TIAM1: variants seen among roughly 807,000 people sequenced by gnomAD.
TIAM1 encodes the protein TIAM Rac1 associated GEF 1, also known as rho guanine nucleotide exchange factor TIAM1.
A neutral mutation model predicts 163.5 loss-of-function variants in TIAM1; 65 were observed. That is an observed-to-expected ratio of 0.40 (90% CI 0.33 to 0.49). The LOEUF (loss-of-function observed/expected upper bound fraction) is 0.49. Ranked by LOEUF, TIAM1 falls within the 20% of genes least tolerant of loss-of-function variation. The pLI is 0.77. For missense variants in TIAM1, 1,789 were observed against 2,044.7 expected, an observed-to-expected ratio of 0.87 and a Z score of 2.41; for synonymous variants, 833 against 810.1, an observed-to-expected ratio of 1.03 and a Z score of -0.48.
At chr21:31,394,755 C>CACACAT (rs2077033161) in intron 2 of TIAM1, among the ~76,000 whole-genome samples, 1 of 151,420 alleles carries the variant, frequency 6.6e-6, no homozygotes, top group African/African-American at 2.4e-5. Flanking sequence ...CACACACACA[C>CACACAT]ACACACACAC....
intron 13 of TIAM1, among the ~76,000 whole-genome samples, chr21:31,194,185 G>A (rs573628060): frequency 9.9e-5 from 15 of 151,672 alleles, no homozygotes; most frequent in Non-Finnish European, 1.6e-4. Flanking sequence ...TTGTGTGTCC[G>A]CATCCTCGAT....
chr21:31,359,254 T>G (rs2076363942), intron 2 of TIAM1, among the ~76,000 whole-genome samples: 1 of 152,172 alleles, frequency 6.6e-6, no homozygotes, highest in South Asian at 2.1e-4. Flanking sequence ...ACGTAACTCA[T>G]TACAATTAAT....
At chr21:31,247,413 T>C (rs1317419689) in intron 5 of TIAM1, among the ~76,000 whole-genome samples, 1 of 152,148 alleles carries the variant, frequency 6.6e-6, no homozygotes, top group Non-Finnish European at 1.5e-5. Flanking sequence ...ATTATTTTTG[T>C]AGATATGGGG....
chr21:31,264,984 C>G (rs2072672738), intron 4 of TIAM1, among the ~76,000 whole-genome samples: 1 of 152,200 alleles, frequency 6.6e-6, no homozygotes, highest in South Asian at 2.1e-4. Flanking sequence ...AGGCCCAATG[C>G]ATGCAGGATT....
intron 2 of TIAM1, among the ~76,000 whole-genome samples, chr21:31,377,033 C>CTTTTTTTTTGTTTTT (rs2076699039): frequency 1.2e-5 from 1 of 80,920 alleles, no homozygotes; most frequent in African/African-American, 4.9e-5. Flanking sequence ...TCATTTTTGT[C>CTTTTTTTTTGTTTTT]TTTTTTTTTT....
chr21:31,129,721 C>G (rs183699231), intron 25 of TIAM1, among the ~76,000 whole-genome samples: 1 of 152,114 alleles, frequency 6.6e-6, no homozygotes, highest in African/African-American at 2.4e-5. Flanking sequence ...AGCCTTCACA[C>G]TAACAGCAAA....
At position 31,217,690 on chromosome 21, in the gene TIAM1, G is replaced by A. The variant is rs773088932; in HGVS notation, c.2005C>T (p.Arg669Cys). The change falls in exon 9 of 28, where the codon CGC becomes TGC. Residue 669 changes from arginine to cysteine, a missense_variant. By Grantham distance (180) the Arg-to-Cys change is radical. Coordinates refer to ENST00000541036, the MANE Select transcript of TIAM1 (RefSeq NM_001353694.2). ...VSSFHALVAA[R>C]TGETGVRRRT... Reference sequence around the variant, plus strand: ...CTTCTCACTCCAGTTTCACCAGTGCGTGCTGCCACCTGAGGATGGCAAGGA... The same window carrying A: ...CTTCTCACTCCAGTTTCACCAGTGCATGCTGCCACCTGAGGATGGCAAGGA... The A allele has an allele frequency of 5.6e-6, 9 of 1,613,054 alleles. No individual in the cohort carries two copies. Among genetic ancestry groups the A allele is most frequent in the Admixed American group, 1.7e-5 (1 of 59,928 alleles).
intron 6 of TIAM1, among the ~76,000 whole-genome samples, chr21:31,229,256 T>A (rs1033730732): frequency 6.6e-6 from 1 of 152,098 alleles, no homozygotes; most frequent in Non-Finnish European, 1.5e-5. Context: ...GCTAGTTACA[T>A]GGTGCTGGGT....
chr21:31,510,299 G>A (rs1487634767), intron 1 of TIAM1, among the ~76,000 whole-genome samples: 1 of 152,150 alleles, frequency 6.6e-6, no homozygotes, highest in Non-Finnish European at 1.5e-5. Context: ...CCTCTCCTCT[G>A]TGCGTGCACA....
chr21:31,265,201 C>CTTTTTTT (rs781091105), intron 4 of TIAM1, among the ~76,000 whole-genome samples: 7 of 109,988 alleles, frequency 6.4e-5, no homozygotes, highest in East Asian at 3.1e-4. Flanking sequence ...CTTTCAAAAT[C>CTTTTTTT]TTTTTTTTTT....
At chr21:31,516,535 G>A (rs2047387844) in intron 1 of TIAM1, among the ~76,000 whole-genome samples, 1 of 152,100 alleles carries the variant, frequency 6.6e-6, no homozygotes, top group African/African-American at 2.4e-5. Context: ...CACTCCCTAA[G>A]GAAGAGAATT....
rs1021119684 is a variant in TIAM1, at chr21:31,395,972, T to C, written c.-368-56550A>G. On this transcript the variant is annotated intron_variant, in intron 2 of 28. Coordinates refer to the TIAM1 transcript ENST00000286827. The surrounding 1 kb of genome is among the most constrained non-coding windows in gnomAD (Gnocchi z 7.5). ...TTAAAATTCAACAGGAACATGGCTT[T>C]TTTCCTCCGTAATGGCTGTGAAATT... 1.3e-5 allele frequency among the ~76,000 whole-genome samples: 2 copies of C among 152,138 alleles called. No individual in the cohort carries two copies. Among genetic ancestry groups the C allele is most frequent in the Non-Finnish European group, 2.9e-5 (2 of 68,024 alleles).
chr21:31,318,734 C>G (rs1049703958), intron 2 of TIAM1, among the ~76,000 whole-genome samples: 3 of 152,126 alleles, frequency 2.0e-5, no homozygotes, highest in African/African-American at 7.2e-5. Context: ...ATAAATCTTC[C>G]TGATGTTATT....
At chr21:31,199,154 G>A (rs1360048009) in intron 12 of TIAM1, among the ~76,000 whole-genome samples, 1 of 152,170 alleles carries the variant, frequency 6.6e-6, no homozygotes, top group South Asian at 2.1e-4. Context: ...TAGGGCTCTT[G>A]AGTTCTCACA....
At chr21:31,554,545 C>G (rs144575276) in intron 1 of TIAM1, among the ~76,000 whole-genome samples, 104 of 152,344 alleles carry the variant, frequency 6.8e-4, no homozygotes, top group African/African-American at 2.4e-3. Context: ...TACTTGGTGA[C>G]AGGACCAAGC....
intron 11 of TIAM1, among the ~76,000 whole-genome samples, chr21:31,208,570 T>C (rs1044679308): frequency 2.9e-4 from 44 of 152,340 alleles, no homozygotes; most frequent in African/African-American, 9.4e-4. Flanking sequence ...CCCTCGTACA[T>C]GAAGGATTCA....
intron 2 of TIAM1, among the ~76,000 whole-genome samples, chr21:31,310,097 G>A (rs953559059): frequency 1.3e-5 from 2 of 152,196 alleles, no homozygotes; most frequent in Non-Finnish European, 2.9e-5. Flanking sequence ...TTTCACCTGG[G>A]AAGTAAGGAA....
At chr21:31,358,602 C>T (rs577088865) in intron 2 of TIAM1, among the ~76,000 whole-genome samples, 3 of 152,150 alleles carry the variant, frequency 2.0e-5, no homozygotes, top group Non-Finnish European at 4.4e-5. Context: ...ACTTGCCTTC[C>T]CTTTCCTTTC....
intron 1 of TIAM1, among the ~76,000 whole-genome samples, chr21:31,487,820 G>A (rs1168371652): frequency 6.6e-6 from 1 of 151,442 alleles, no homozygotes; most frequent in East Asian, 1.9e-4. Context: ...GCCTCCCAAA[G>A]TGCTGGGATT....
Sources: gnomAD v4.1 joint callset for allele counts (sites outside exome capture counted in the v4.1 genomes callset) on GRCh38, gnomAD v4.1.1 for gene constraint, Gnocchi (gnomAD v3.1) non-coding constraint, MANE v1.5 for transcripts, NCBI Gene and HGNC (gene_info 2026-07-23, HGNC 2026-07-21) for gene names.